The following EFNA5 variants were observed in gnomAD, a reference collection of about 807,000 sequenced individuals.
The protein encoded by EFNA5 is ephrin-A5.
Under a neutral mutation model 22.9 loss-of-function variants are expected in EFNA5, and 5 were observed. The ratio of observed to expected loss-of-function variants is 0.22; its 90% CI spans 0.11 to 0.46. EFNA5 has a LOEUF of 0.46. Ranked by LOEUF, EFNA5 falls within the 20% of genes least tolerant of loss-of-function variation. EFNA5 has a pLI of 0.99. For missense variants in EFNA5, 237 were observed against 293.3 expected (o/e 0.81, Z 1.40); for synonymous variants, 113 against 112.2 (o/e 1.01, Z -0.04).
intron 1 of EFNA5, among the ~76,000 whole-genome samples, chr5:107,625,603 C>T (rs1262507986): frequency 6.6e-6 from 1 of 151,986 alleles, no homozygotes; most frequent in Non-Finnish European, 1.5e-5. Flanking sequence ...TGCATAACAG[C>T]AAGCAGAAAC....
At chr5:107,405,902 A>G (rs1179140756) in intron 2 of EFNA5, among the ~76,000 whole-genome samples, 3 of 148,266 alleles carry the variant, frequency 2.0e-5, no homozygotes, top group Admixed American at 1.4e-4. Context: ...CTATGTATTT[A>G]TATACATAGA....
intron 1 of EFNA5, among the ~76,000 whole-genome samples, chr5:107,476,237 G>C (rs1322820681): frequency 6.7e-6 from 1 of 150,328 alleles, no homozygotes; most frequent in African/African-American, 2.5e-5. Flanking sequence ...GTTTTTAGTA[G>C]AGATTCGGTT....
intron 1 of EFNA5, among the ~76,000 whole-genome samples, chr5:107,635,626 A>G (rs1052716990): frequency 6.6e-6 from 1 of 152,238 alleles, no homozygotes; most frequent in Non-Finnish European, 1.5e-5. Flanking sequence ...TTTTAAGGCA[A>G]GCATTTTGTG....
rs114198535 is a variant in EFNA5, at chr5:107,388,135, G to A, written c.419-364C>T. Among the ~76,000 whole-genome samples, 492 of 152,250 alleles carry A rather than the reference G, an allele frequency of 3.2e-3. 2 individuals carry two copies. The highest frequency in any genetic ancestry group is 0.011 in the African/African-American group (473 of 41,536). On this transcript the variant is annotated intron_variant, in intron 2 of 4. Coordinates refer to ENST00000333274, the MANE Select transcript of EFNA5 (RefSeq NM_001962.3). ...TGAGCCCTCCAGCTTTCACAGAGCCGCTCCTCCTCTGCTGCAGGAAAAGGG... is the reference window on the plus strand; with the variant it reads ...TGAGCCCTCCAGCTTTCACAGAGCCACTCCTCCTCTGCTGCAGGAAAAGGG...
At chr5:107,464,481 G>A (rs1749924493) in intron 1 of EFNA5, among the ~76,000 whole-genome samples, 1 of 152,136 alleles carries the variant, frequency 6.6e-6, no homozygotes, top group South Asian at 2.1e-4. Context: ...GCAAAGGGGA[G>A]AAATTCTGCA....
chr5:107,662,790 TAAA>T (rs5870277), intron 1 of EFNA5, among the ~76,000 whole-genome samples: 1 of 133,386 alleles, frequency 7.5e-6, no homozygotes, highest in Non-Finnish European at 1.6e-5. Flanking sequence ...CTTGAGTAAT[TAAA>T]AAAAAAAAAA....
chr5:107,385,297 C>A (rs1747582679), intron 4 of EFNA5, among the ~76,000 whole-genome samples: 1 of 152,102 alleles, frequency 6.6e-6, no homozygotes, highest in African/African-American at 2.4e-5. Context: ...GCAGAATAGT[C>A]CTCCATGTGC....
Position 107,395,031 on chromosome 5 carries a change from G to GTTTTTTTTTTT in EFNA5, c.419-7261_419-7260insAAAAAAAAAAA, listed in dbSNP as rs1257797158. 1.9e-3 allele frequency among the ~76,000 whole-genome samples: 55 copies of GTTTTTTTTTTT among 28,758 alleles called. 1 individual carries two copies. Among genetic ancestry groups the GTTTTTTTTTTT allele is most frequent in the Non-Finnish European group, 2.3e-3 (30 of 12,948 alleles). The allele number at this position is 28,758 out of a possible 152,430, so 18.9% of individuals were successfully genotyped here. Reference sequence around the variant, plus strand: ...TGTCCCCTTATAAGAAGGATTTCTAGTTCTTTTTTTTTTTTTTTTTTCCGC... The same window carrying GTTTTTTTTTTT: ...TGTCCCCTTATAAGAAGGATTTCTAGTTTTTTTTTTTTTCTTTTTTTTTTTTTTTTTTCCGC... On this transcript the variant is annotated intron_variant, in intron 2 of 4. Coordinates refer to ENST00000333274, the MANE Select transcript of EFNA5 (RefSeq NM_001962.3).
intron 1 of EFNA5, among the ~76,000 whole-genome samples, chr5:107,644,127 G>A (rs1419313090): frequency 2.6e-5 from 4 of 152,000 alleles, no homozygotes; most frequent in Non-Finnish European, 4.4e-5. Flanking sequence ...AAATTCAGCA[G>A]TTTGCCCATG....
intron 1 of EFNA5, among the ~76,000 whole-genome samples, chr5:107,590,834 A>G (rs73198699): frequency 0.018 from 2,800 of 152,298 alleles, 90 homozygotes; most frequent in African/African-American, 0.064. Context: ...TAATGCAAAC[A>G]TAACTCCTTT....
chr5:107,415,713 T>A (rs139719711), intron 2 of EFNA5, among the ~76,000 whole-genome samples: 1 of 152,266 alleles, frequency 6.6e-6, no homozygotes, highest in Non-Finnish European at 1.5e-5. Flanking sequence ...TTTCCCCTTA[T>A]GGGAGCCCTA....
chr5:107,591,941 TA>T (rs1228507212), intron 1 of EFNA5, among the ~76,000 whole-genome samples: 4,880 of 19,264 alleles, frequency 0.25, 543 homozygotes, highest in South Asian at 0.36. Flanking sequence ...ATAATATATA[TA>T]TTATATATAA....
chr5:107,401,265 G>A (rs1748074662), intron 2 of EFNA5, among the ~76,000 whole-genome samples: 1 of 152,102 alleles, frequency 6.6e-6, no homozygotes, highest in Non-Finnish European at 1.5e-5. Flanking sequence ...AAGATTTATT[G>A]TATTACTTGG....
intron 1 of EFNA5, among the ~76,000 whole-genome samples, chr5:107,453,640 G>A (rs1024227223): frequency 6.6e-6 from 1 of 152,142 alleles, no homozygotes; most frequent in Non-Finnish European, 1.5e-5. Context: ...GGTCTGCCAA[G>A]TTTCTACTTT....
chr5:107,576,401 T>C (rs1019392479), intron 1 of EFNA5, among the ~76,000 whole-genome samples: 5 of 152,180 alleles, frequency 3.3e-5, no homozygotes, highest in Admixed American at 6.5e-5. Flanking sequence ...GGGCACCATG[T>C]TTCCAAGTGA....
intron 1 of EFNA5, among the ~76,000 whole-genome samples, chr5:107,476,346 C>T (rs1348133913): frequency 2.0e-5 from 3 of 151,720 alleles, no homozygotes; most frequent in Non-Finnish European, 4.4e-5. Context: ...AGCCACTGTG[C>T]CCAGTCAAGA....
intron 1 of EFNA5, among the ~76,000 whole-genome samples, chr5:107,491,342 G>A (rs1299902010): frequency 2.0e-5 from 3 of 151,984 alleles, no homozygotes; most frequent in Admixed American, 2.0e-4. Context: ...ATGGAGTTCC[G>A]CTCTTGTTGC....
chr5:107,444,090 A>G (rs1047358733), intron 1 of EFNA5, among the ~76,000 whole-genome samples: 1 of 151,738 alleles, frequency 6.6e-6, no homozygotes, highest in Non-Finnish European at 1.5e-5. Flanking sequence ...AGTGCTACAT[A>G]CTATATTTGA....
intron 2 of EFNA5, among the ~76,000 whole-genome samples, chr5:107,400,584 C>A (rs907445457): frequency 2.0e-5 from 3 of 152,192 alleles, no homozygotes; most frequent in Non-Finnish European, 4.4e-5. Flanking sequence ...AAGCAGGAAC[C>A]ATTCTTTAAT....
Sources: allele counts gnomAD v4.1 joint callset (sites outside exome capture counted in the v4.1 genomes callset), GRCh38; gene constraint gnomAD v4.1.1; transcripts MANE v1.5; gene names NCBI Gene and HGNC (gene_info 2026-07-23, HGNC 2026-07-21).